MYH10: variants seen among roughly 807,000 people sequenced by gnomAD.
MYH10 encodes the protein myosin-10.
In MYH10, 55 loss-of-function variants were observed where a neutral mutation model predicts 257.8. That is an observed-to-expected ratio of 0.21 (90% confidence interval 0.17 to 0.27). The LOEUF (loss-of-function observed/expected upper bound fraction) is 0.27. Among genes scored for constraint, MYH10 ranks in the 10% least tolerant of loss-of-function variants. The probability of loss-of-function intolerance (pLI) is 1.00; values close to 1 mark genes in which losing one functional copy is unlikely to be tolerated. For synonymous variants in MYH10, 854 were observed against 921.7 expected (o/e 0.93, Z 1.33); for missense variants, 1,631 against 2,500.6 (o/e 0.65, Z 7.42).
In MYH10 at chr17:8,521,110, A is replaced by C; in HGVS notation, c.2133T>G (p.Ile711Met). The C allele has an allele frequency of 6.2e-7, 1 of 1,614,236 alleles. No individual in the cohort carries two copies. Residue 711 changes from isoleucine to methionine, a missense_variant, in exon 18 of 43, where the codon ATT (isoleucine) becomes ATG (methionine). Ile to Met is a conservative substitution (Grantham distance 10, BLOSUM62 1). This residue lies in a region of MYH10 where 96 missense variants were observed against 146.2 expected (regional missense o/e 0.66). Transcript: ENST00000360416. Reference sequence around the variant, plus strand: ...CACGTACCCTCTTCTCGTGATTTGGAATGATACAACGAACAAAGTTAGGGT... The same window carrying C: ...CACGTACCCTCTTCTCGTGATTTGGCATGATACAACGAACAAAGTTAGGGT... ...NTNPNFVRCI[I>M]PNHEKRAGKL...
At chr17:8,571,262 T>C (rs1351156557) in intron 6 of MYH10, among the ~76,000 whole-genome samples, 2 of 150,148 alleles carry the variant, frequency 1.3e-5, no homozygotes, top group African/African-American at 4.9e-5. Flanking sequence ...GCAAACTCCG[T>C]CTCCTGGGTT....
chr17:8,489,226 G>T (rs1012167044), intron 35 of MYH10, among the ~76,000 whole-genome samples: 1 of 152,096 alleles, frequency 6.6e-6, no homozygotes, highest in African/African-American at 2.4e-5. Context: ...TGCAGCCAGG[G>T]CCGAGGTCCT....
intron 25 of MYH10, among the ~76,000 whole-genome samples, chr17:8,509,533 C>T (rs1014348558): frequency 1.3e-5 from 2 of 152,190 alleles, no homozygotes; most frequent in African/African-American, 4.8e-5. Flanking sequence ...AATGCTTGCA[C>T]AGATGGAGAC....
chr17:8,520,641 C>T (rs2081622780), intron 19 of MYH10, among the ~76,000 whole-genome samples: 1 of 152,174 alleles, frequency 6.6e-6, no homozygotes, highest in Non-Finnish European at 1.5e-5. Flanking sequence ...TGTTTCTTTG[C>T]AGCGCCCATA....
At chr17:8,514,710 A>G (rs1292890525) in intron 21 of MYH10, among the ~76,000 whole-genome samples, 1 of 150,224 alleles carries the variant, frequency 6.7e-6, no homozygotes, top group Non-Finnish European at 1.5e-5. Context: ...ACATTTTTCT[A>G]CTCCTTATGA....
chr17:8,516,271 C>T (rs1253321244), intron 21 of MYH10, among the ~76,000 whole-genome samples: 1 of 152,178 alleles, frequency 6.6e-6, no homozygotes, highest in Non-Finnish European at 1.5e-5. Flanking sequence ...TCCCAATGTC[C>T]TCCAGGGTGC....
intron 32 of MYH10, 123 bp from the exon 33 acceptor site, chr17:8,493,147 G>A (rs1916041112): frequency 6.2e-6 from 7 of 1,132,862 alleles, no homozygotes; most frequent in African/African-American, 3.1e-5. Flanking sequence ...ATCACTTGAG[G>A]TCAGGAGTTT....
rs751917344 is a variant in MYH10 at position 8,521,164 on chromosome 17, G to A, written c.2079C>T (p.Thr693=). 1.9e-6 allele frequency: 3 copies of A among 1,614,232 alleles called. No individual in the cohort carries two copies. Among genetic ancestry groups the A allele is most frequent in the Admixed American group, 3.3e-5 (2 of 60,036 alleles). Residue 693 remains threonine, a synonymous_variant, in exon 18 of 43, where the codon ACC becomes ACT. Transcript: ENST00000360416. The stretch of plus-strand genomic sequence containing the variant: ...TGTTTCGGAGAGTTGCCATCAGCTT[G>A]GTGAGAGATTCTTTGTAGAGTTGCC... ...TVGQLYKESL[T]KLMATLRNTN...
chr17:8,551,897 T>A, intron 9 of MYH10, 149 bp downstream of exon 9: 1 of 434,104 alleles, frequency 2.3e-6, no homozygotes, highest in Non-Finnish European at 4.1e-6. Context: ...GCATGGAAGT[T>A]CAATTTCATT....
Position 8,477,142 on chromosome 17 carries a change from G to A in MYH10, c.5707-94C>T. On this transcript the variant is annotated intron_variant, in intron 41 of 42. Coordinates refer to ENST00000360416, the MANE Select transcript of MYH10 (RefSeq NM_001256012.3). The surrounding 1 kb of genome is among the most constrained non-coding windows in gnomAD (Gnocchi z 4.2). Reference sequence around the variant, plus strand: ...AGCGTGGCAGTGTGGGGCTCTGCCTGTTACCCTTGTGAGCACGCGTGTACA... The same window carrying A: ...AGCGTGGCAGTGTGGGGCTCTGCCTATTACCCTTGTGAGCACGCGTGTACA... 1 of 1,436,976 alleles carries A rather than the reference G, an allele frequency of 7.0e-7. No individual in the cohort carries two copies. Among genetic ancestry groups the A allele is most frequent in the African/African-American group, 1.4e-5 (1 of 71,566 alleles). The allele number at this position is 1,436,976 out of a possible 1,614,324, so 89.0% of individuals were successfully genotyped here. A position where few individuals can be genotyped will look rare whatever the true frequency, so the allele number is the denominator to read the frequency against.
At chr17:8,607,516 A>G (rs2152080225) in intron 2 of MYH10, among the ~76,000 whole-genome samples, 1 of 152,346 alleles carries the variant, frequency 6.6e-6, no homozygotes, top group East Asian at 1.9e-4. Flanking sequence ...ATCAATGCTT[A>G]AGAAGGAACA....
Position 8,608,843 on chromosome 17 carries a change from G to A in MYH10, c.346-3861C>T, listed in dbSNP as rs8067437. 3.1e-3 allele frequency among the ~76,000 whole-genome samples: 454 copies of A among 145,086 alleles called. 3 individuals are homozygous for A. The highest frequency in any genetic ancestry group is 0.011 in the African/African-American group (431 of 38,504). ...TTTTTTTTTTTTGAGACGGAGTCTC[G>A]CTCTGTCGCCAGGCTGGAGTGCAGT... On this transcript the variant is annotated intron_variant, in intron 2 of 42. Transcript: ENST00000360416.
chr17:8,507,250 T>C (rs894987911), intron 26 of MYH10, among the ~76,000 whole-genome samples: 3 of 152,242 alleles, frequency 2.0e-5, no homozygotes, highest in African/African-American at 7.2e-5. Flanking sequence ...CTTTTGTTTA[T>C]ACTAAAACAA....
chr17:8,574,551 A>C (rs1317839800), intron 6 of MYH10, among the ~76,000 whole-genome samples: 1 of 152,202 alleles, frequency 6.6e-6, no homozygotes, highest in African/African-American at 2.4e-5. Context: ...AAATTGTTTC[A>C]AAAAAAGAAT....
At position 8,548,363 on chromosome 17, in the gene MYH10, G is replaced by A. The variant is rs1380899293; in HGVS notation, c.1109C>T (p.Ser370Phe). The A allele has an allele frequency of 2.5e-6, 4 of 1,612,730 alleles. No individual in the cohort carries two copies. The highest frequency in any genetic ancestry group is 1.7e-6 in the Non-Finnish European group (2 of 1,179,454). Residue 370 changes from serine (S) to phenylalanine (F), a missense_variant, in exon 11 of 43, where the codon TCT becomes TTT. Coordinates refer to ENST00000360416, the MANE Select transcript of MYH10 (RefSeq NM_001256012.3). ...VSSVLQFGNI[S>F]FKKERNTDQA... Reference sequence around the variant, plus strand: ...ATCAGTATTTCTCTCCTTTTTGAAAGAAATATTTCCAAACTGTAGCACTGA... The same window carrying A: ...ATCAGTATTTCTCTCCTTTTTGAAAAAAATATTTCCAAACTGTAGCACTGA...
intron 3 of MYH10, among the ~76,000 whole-genome samples, chr17:8,589,820 A>T (rs1396101347): frequency 6.6e-6 from 1 of 152,258 alleles, no homozygotes; most frequent in East Asian, 1.9e-4. Context: ...TATCTAGCCC[A>T]TGGACAAAAT....
intron 14 of MYH10, among the ~76,000 whole-genome samples, chr17:8,540,158 TTTCTGTATTTTTAGTAGAGATGGG>T (rs2082254690): frequency 6.6e-6 from 1 of 152,058 alleles, no homozygotes; most frequent in South Asian, 2.1e-4. Flanking sequence ...TCCGGCTAAT[TTTCTGTATTTTTAGTAGAGATGGG>T]GTTTCACCAT....
chr17:8,539,181 T>C (rs1287016129), intron 14 of MYH10, among the ~76,000 whole-genome samples: 1 of 152,126 alleles, frequency 6.6e-6, no homozygotes, highest in Non-Finnish European at 1.5e-5. Flanking sequence ...CTACAAGAAA[T>C]CAATTTCTTT....
At chr17:8,620,060 G>A (rs1393712129) in intron 2 of MYH10, among the ~76,000 whole-genome samples, 1 of 152,062 alleles carries the variant, frequency 6.6e-6, no homozygotes, top group Admixed American at 6.6e-5. Context: ...AAGTAGCAAG[G>A]CTATGGAAGA....
Sources: allele counts gnomAD v4.1 joint callset (sites outside exome capture counted in the v4.1 genomes callset), GRCh38; gene constraint gnomAD v4.1.1; regional missense constraint gnomAD v4.1.1; non-coding constraint Gnocchi (gnomAD v3.1); transcripts MANE v1.5; gene names NCBI Gene and HGNC (gene_info 2026-07-23, HGNC 2026-07-21).